The following SHISA6 variants were observed in gnomAD, a reference collection of about 807,000 sequenced individuals.
SHISA6 encodes shisa family member 6, also known as protein shisa-6.
SHISA6 carries 22 observed loss-of-function variants against 47.9 expected under a neutral mutation model. The observed-to-expected ratio is 0.46, with a 90% CI of 0.33 to 0.66. The LOEUF is 0.66. SHISA6 is among the 30% of genes least tolerant of loss of function. The pLI, the probability that SHISA6 is intolerant of heterozygous loss-of-function variation, is 0.02. For missense variants in SHISA6, 680 were observed against 764.6 expected (o/e 0.89, Z 1.30); for synonymous variants, 388 against 337.8 (o/e 1.15, Z -1.63).
intron 1 of SHISA6, among the ~76,000 whole-genome samples, chr17:11,246,006 A>G (rs1567698027): frequency 6.6e-6 from 1 of 152,136 alleles, no homozygotes; most frequent in Non-Finnish European, 1.5e-5. Context: ...TTCTCTTCCT[A>G]GGCTCCTGGG....
chr17:11,282,366 A>G (rs1181287441), intron 2 of SHISA6, among the ~76,000 whole-genome samples: 1 of 151,846 alleles, frequency 6.6e-6, no homozygotes. Context: ...GGGGCAAGAG[A>G]GCAAAGGATT....
At chr17:11,488,288 T>C (rs1916399927) in intron 3 of SHISA6, among the ~76,000 whole-genome samples, 1 of 152,132 alleles carries the variant, frequency 6.6e-6, no homozygotes, top group African/African-American at 2.4e-5. Context: ...CACTCACTGG[T>C]ATGGAGGGTC....
intron 1 of SHISA6, among the ~76,000 whole-genome samples, chr17:11,254,794 C>T (rs1406300815): frequency 6.6e-6 from 1 of 152,226 alleles, no homozygotes; most frequent in Non-Finnish European, 1.5e-5. Context: ...ATTCAAGGCC[C>T]ACATTCAGTC....
intron 1 of SHISA6, among the ~76,000 whole-genome samples, chr17:11,252,438 C>A (rs914859612): frequency 6.6e-6 from 1 of 152,170 alleles, no homozygotes; most frequent in African/African-American, 2.4e-5. Flanking sequence ...CTTCTCTCTT[C>A]CTTCGCCCTT....
intron 3 of SHISA6, among the ~76,000 whole-genome samples, chr17:11,497,462 G>C (rs2071418333): frequency 6.6e-6 from 1 of 152,166 alleles, no homozygotes; most frequent in Non-Finnish European, 1.5e-5. Context: ...GACACTGGCT[G>C]TGGTTAAAGG....
In SHISA6 at chr17:11,440,865, T is replaced by G. The variant is rs562995473; in HGVS notation, c.895+61356T>G. Among the ~76,000 whole-genome samples, 3 of 151,936 alleles carry G rather than the reference T, an allele frequency of 2.0e-5. No individual in the cohort carries two copies. In the South Asian group the frequency reaches 6.3e-4, roughly 32 times the overall value. On this transcript the variant is annotated intron_variant, in intron 3 of 5. Transcript: ENST00000441885. Reference sequence around the variant, plus strand: ...CAGACACTCCCAGCCATGCTCTTCTTACAGTTCCATTGAGAGATGGGAGAG... The same window carrying G: ...CAGACACTCCCAGCCATGCTCTTCTGACAGTTCCATTGAGAGATGGGAGAG...
chr17:11,434,179 TC>T (rs1480879180), intron 3 of SHISA6, among the ~76,000 whole-genome samples: 1 of 150,518 alleles, frequency 6.6e-6, no homozygotes, highest in East Asian at 2.0e-4. Context: ...TTCTCCCACC[TC>T]AGCCTCCTGA....
intron 3 of SHISA6, among the ~76,000 whole-genome samples, chr17:11,491,610 C>T (rs1003297333): frequency 6.6e-6 from 1 of 152,080 alleles, no homozygotes; most frequent in Non-Finnish European, 1.5e-5. Flanking sequence ...AGGAGGAAAG[C>T]AGCCCCAGAG....
chr17:11,245,351 G>T (rs1400274349), intron 1 of SHISA6, among the ~76,000 whole-genome samples: 9 of 152,158 alleles, frequency 5.9e-5, no homozygotes, highest in Admixed American at 2.6e-4. Flanking sequence ...AACTGCCCGG[G>T]CTAAGGCTCA....
At chr17:11,252,999 G>A (rs1204628908) in intron 1 of SHISA6, among the ~76,000 whole-genome samples, 1 of 152,334 alleles carries the variant, frequency 6.6e-6, no homozygotes, top group Admixed American at 6.5e-5. Context: ...TCAACAGCCA[G>A]CTTCTTACCC....
At chr17:11,504,349 T>C (rs911364697) in intron 3 of SHISA6, among the ~76,000 whole-genome samples, 1 of 152,188 alleles carries the variant, frequency 6.6e-6, no homozygotes, top group African/African-American at 2.4e-5. Context: ...TAAAGCACTC[T>C]GCAAAATTTC....
chr17:11,541,706 G>T (rs2071835582), intron 3 of SHISA6, among the ~76,000 whole-genome samples: 3 of 152,072 alleles, frequency 2.0e-5, no homozygotes, highest in African/African-American at 7.2e-5. Flanking sequence ...AAATGTATTT[G>T]GAATTTTACT....
chr17:11,526,879 TC>T (rs1450523940), intron 3 of SHISA6, among the ~76,000 whole-genome samples: 1 of 26,458 alleles, frequency 3.8e-5, no homozygotes, highest in African/African-American at 1.5e-4. Context: ...CTATCTATCA[TC>T]ATATATATAT....
At chr17:11,457,634 G>C (rs1915575432) in intron 3 of SHISA6, among the ~76,000 whole-genome samples, 1 of 151,668 alleles carries the variant, frequency 6.6e-6, no homozygotes, top group Non-Finnish European at 1.5e-5. Flanking sequence ...GCAGCTACTT[G>C]GGAGGCTAAG....
chr17:11,508,562 T>G (rs1180008279), intron 3 of SHISA6, among the ~76,000 whole-genome samples: 1 of 36,796 alleles, frequency 2.7e-5, no homozygotes, highest in Non-Finnish European at 5.4e-5. Context: ...TCCCCTCCCC[T>G]CCCCTCCCCT....
At chr17:11,359,716 G>C (rs1026301278) in intron 2 of SHISA6, among the ~76,000 whole-genome samples, 2 of 152,188 alleles carry the variant, frequency 1.3e-5, no homozygotes, top group Non-Finnish European at 2.9e-5. Context: ...CCTTGTCCAC[G>C]GATTGGTTTT....
chr17:11,497,568 G>A (rs902757554), intron 3 of SHISA6, among the ~76,000 whole-genome samples: 1 of 152,268 alleles, frequency 6.6e-6, no homozygotes, highest in East Asian at 1.9e-4. Flanking sequence ...AATGAGAAAT[G>A]CCACTTCAGG....
At chr17:11,365,702 C>G (rs1366902244) in intron 2 of SHISA6, among the ~76,000 whole-genome samples, 2 of 152,174 alleles carry the variant, frequency 1.3e-5, no homozygotes, top group Non-Finnish European at 2.9e-5. Context: ...CAGATATATC[C>G]TATGTGCCCA....
At chr17:11,485,595 T>C (rs56049800) in intron 3 of SHISA6, among the ~76,000 whole-genome samples, 29,886 of 152,040 alleles carry the variant, frequency 0.2, 3,151 homozygotes, top group East Asian at 0.36. Context: ...CCACGCGCAC[T>C]GAGTGAGCCT....
Sources: allele counts gnomAD v4.1 joint callset (sites outside exome capture counted in the v4.1 genomes callset), GRCh38; gene constraint gnomAD v4.1.1; transcripts MANE v1.5; gene names NCBI Gene and HGNC (gene_info 2026-07-23, HGNC 2026-07-21).